FEZF1: variants seen among roughly 807,000 people sequenced by gnomAD.
The protein encoded by FEZF1 is fez family zinc finger protein 1.
FEZF1 carries 8 observed loss-of-function variants against 32.4 expected under a neutral mutation model. That is an observed-to-expected ratio of 0.25 (90% CI 0.15 to 0.45). The LOEUF (loss-of-function observed/expected upper bound fraction) is 0.45, where lower values mean the gene tolerates loss of function less well. Among genes scored for constraint, FEZF1 ranks in the 20% least tolerant of loss-of-function variants. The pLI, the probability that FEZF1 is intolerant of heterozygous loss-of-function variation, is 1.00. For synonymous variants in FEZF1, 259 were observed against 265.2 expected (o/e 0.98, Z 0.23); for missense variants, 546 against 622.3 (o/e 0.88, Z 1.31).
At position 122,302,002 on chromosome 7, in the gene FEZF1, G is replaced by T; in HGVS notation, c.1423C>A (p.Gln475Lys). The change falls in exon 4 of 4, where the codon CAG becomes AAG. Residue 475 changes from glutamine to lysine, a missense_variant. This residue lies in a region of FEZF1 where 83 missense variants were observed against 73.0 expected (regional missense o/e 1.14). Transcript: ENST00000442488. The surrounding 1 kb of genome is among the most constrained non-coding windows in gnomAD (Gnocchi z 4.4). Reference sequence around the variant, plus strand: ...GGGAGGACCCTTAGCCTCGATCACTGGTGGCCCTGGTGGAGCCCGGGCTGC... The same window carrying T: ...GGGAGGACCCTTAGCCTCGATCACTTGTGGCCCTGGTGGAGCCCGGGCTGC... ...PLQPGLHQGH[Q>K] 6.3e-7 allele frequency: 1 copy of T among 1,589,494 alleles called. No individual in the cohort carries two copies.
upstream of FEZF1, chr7:122,307,386 C>G (rs772175732): frequency 6.6e-6 from 1 of 152,362 alleles, no homozygotes; most frequent in Non-Finnish European, 1.5e-5. Context: ...CAGCCCGGCT[C>G]TGGAAGGCTT....
intron 1 of FEZF1, 138 bp downstream of exon 1, chr7:122,303,498 GA>G (rs2031122014): frequency 2.4e-5 from 12 of 508,222 alleles, no homozygotes; most frequent in Non-Finnish European, 3.4e-5. Context: ...AGGAAGGAAG[GA>G]AGGAAGGAAG....
chr7:122,303,368 C>T, intron 1 of FEZF1, 57 bp from the exon 2 acceptor site: 3 of 1,601,740 alleles, frequency 1.9e-6, no homozygotes, highest in South Asian at 1.1e-5. Context: ...TGAAATCAAA[C>T]CGGGCAGAGA....
Position 122,301,312 on chromosome 7 carries a change from T to C in FEZF1, c.*685A>G, listed in dbSNP as rs1238246501. ...GAACAGAGCCCTAAAGTTTGTTGAT[T>C]AAATAAGCATGTTCCAAGTATTTAT... is the stretch of plus-strand genomic sequence containing the variant. On this transcript the variant is annotated 3_prime_UTR_variant, in exon 4 of 4. Transcript: ENST00000442488. The C allele has an allele frequency of 6.6e-6, 1 of 152,214 alleles. No individual in the cohort carries two copies. 9.4% of individuals were successfully genotyped at this position (152,214 alleles called of 1,614,324 possible). A position where few individuals can be genotyped will look rare whatever the true frequency, so the allele number is the denominator to read the frequency against.
chr7:122,304,710 G>A lies in FEZF1; in HGVS notation c.-273C>T. ...AGTGTTGTGTCAATAACGCAGCCAA[G>A]ATCTCGCCAATCGTTAACTTCCAAG... On this transcript the variant is annotated 5_prime_UTR_variant, in exon 1 of 4. Coordinates refer to ENST00000442488, the MANE Select transcript of FEZF1 (RefSeq NM_001024613.4). 2.5e-6 allele frequency: 1 copy of A among 399,482 alleles called. No homozygotes were observed. Among genetic ancestry groups the A allele is most frequent in the Non-Finnish European group, 4.6e-6 (1 of 217,322 alleles). 24.7% of individuals were successfully genotyped at this position (399,482 alleles called of 1,614,324 possible).
rs751696310 is a variant in FEZF1 at position 122,304,252 on chromosome 7, C to T, written c.186G>A (p.Lys62=). 7 of 1,604,574 alleles carry T rather than the reference C, an allele frequency of 4.4e-6. No individual in the cohort carries two copies. The African/African-American group carries it at 6.7e-5, about 15-fold the overall frequency. The part of the protein sequence containing the change: ...LQGALPKGEP[K]HSLHLNSSIP... ...TCGACGAGTTGAGATGCAGAGAGTG[C>T]TTGGGTTCCCCCTTGGGTAAGGCTC... Residue 62 remains lysine (K), a synonymous_variant, in exon 1 of 4, where the codon AAG becomes AAA. Transcript: ENST00000442488.
At chr7:122,309,274 T>G (rs908905077), upstream of FEZF1, among the ~76,000 whole-genome samples, 1 of 152,206 alleles carries the variant, frequency 6.6e-6, no homozygotes, top group African/African-American at 2.4e-5. Context: ...TATCACAGGT[T>G]ATAAATGTGG....
upstream of FEZF1, chr7:122,304,764 A>C: frequency 6.6e-6 from 2 of 302,888 alleles, no homozygotes; most frequent in Non-Finnish European, 1.3e-5. Context: ...TAATTGCTCA[A>C]TTCGCTTCCA....
At chr7:122,310,465 C>G (rs2031392137) in exon 1 of FEZF1, 1 of 152,378 alleles carries the variant, frequency 6.6e-6, no homozygotes, top group Admixed American at 6.5e-5. Context: ...TTCTTGCTCA[C>G]GAGTTCCAAA....
rs1345808696 is a variant in FEZF1 at position 122,303,325 on chromosome 7, A to G, written c.802-14T>C. 1 of 1,613,458 alleles carries G rather than the reference A, an allele frequency of 6.2e-7. No homozygotes were observed. On this transcript the variant is annotated splice_polypyrimidine_tract_variant and intron_variant, in intron 1 of 3. Coordinates refer to ENST00000442488, the MANE Select transcript of FEZF1 (RefSeq NM_001024613.4). The stretch of plus-strand genomic sequence containing the variant: ...CGCATTAAAGACCTTAAAATTAAAC[A>G]CACGTAGAACAGGTTAGCCGCACAA...
At position 122,304,371 on chromosome 7, in the gene FEZF1, T is replaced by A. The variant is rs1474989658; in HGVS notation, c.67A>T (p.Met23Leu). The A allele has an allele frequency of 3.7e-6, 6 of 1,603,616 alleles. No homozygotes were observed. The highest frequency in any genetic ancestry group is 5.1e-6 in the Non-Finnish European group (6 of 1,172,802). The stretch of plus-strand genomic sequence containing the variant: ...AAAGCCAAGGGTTTGGACGTGCTCA[T>A]CATGTTGCCCCGAGCTGGAGCAGTC... Reference protein sequence around the residue: ...LATAPARGNMMSTSKPLAFSI... With the variant: ...LATAPARGNMLSTSKPLAFSI... Residue 23 changes from methionine to leucine, a missense_variant, in exon 1 of 4, where the codon ATG becomes TTG. Transcript: ENST00000442488.
upstream of FEZF1, chr7:122,307,265 G>T (rs1416767866): frequency 2.6e-5 from 4 of 152,276 alleles, no homozygotes; most frequent in Admixed American, 6.5e-5. Flanking sequence ...CTTTTGGGCC[G>T]GATCAGATTC....
upstream of FEZF1, chr7:122,306,087 A>G (rs2031271913): frequency 6.6e-6 from 1 of 152,288 alleles, no homozygotes; most frequent in Admixed American, 6.5e-5. Flanking sequence ...GCGATCACGC[A>G]GAGCTGAACC....
At chr7:122,306,001 C>A (rs1363463685), upstream of FEZF1, 1 of 152,284 alleles carries the variant, frequency 6.6e-6, no homozygotes, top group Admixed American at 6.5e-5. Context: ...GGGCTCCCGC[C>A]GCCCAGGCAA....
At chr7:122,307,200 T>TG (rs1413804648), upstream of FEZF1, 2 of 151,436 alleles carry the variant, frequency 1.3e-5, no homozygotes, top group African/African-American at 2.4e-5. Flanking sequence ...CAAAGGGGGG[T>TG]GGGGGGTTCT....
chr7:122,302,134 G>A lies in FEZF1; in HGVS notation c.1291C>T (p.Arg431Cys), dbSNP rs949550776. 9.9e-6 allele frequency: 16 copies of A among 1,613,956 alleles called. No individual in the cohort carries two copies. In the African/African-American group the frequency reaches 2.1e-4, roughly 22 times the overall value. Residue 431 changes from arginine (R) to cysteine (C), a missense_variant, in exon 4 of 4, where the codon CGC (arginine) becomes TGC (cysteine). Arg to Cys is a radical substitution (Grantham distance 180, BLOSUM62 -3). Coordinates refer to ENST00000442488, the MANE Select transcript of FEZF1 (RefSeq NM_001024613.4). The surrounding 1 kb of genome is among the most constrained non-coding windows in gnomAD (Gnocchi z 4.4). ...KLHDSSLGLA[R>C]TPAGEPGTEP... ...GTGCCTGGTTCGCCAGCTGGCGTGCGGGCCAGCCCCAGGCTGCTGTCGTGC... is the reference window on the plus strand; with the variant it reads ...GTGCCTGGTTCGCCAGCTGGCGTGCAGGCCAGCCCCAGGCTGCTGTCGTGC...
Position 122,304,172 on chromosome 7 carries a change from C to A in FEZF1, c.266G>T (p.Gly89Val). ...CTTCCGCGGCTCGGAGCCCGTCACT[C>A]CTGCCTTGGGGCTCGTGTCGTAGGC... ...PVAYDTSPKA[G>V]VTGSEPRKAS... The change falls in exon 1 of 4, where the codon GGA becomes GTA. Residue 89 changes from glycine to valine, a missense_variant. Coordinates refer to ENST00000442488, the MANE Select transcript of FEZF1 (RefSeq NM_001024613.4). The A allele has an allele frequency of 6.2e-7, 1 of 1,601,646 alleles. No homozygotes were observed. Among genetic ancestry groups the A allele is most frequent in the East Asian group, 2.2e-5 (1 of 44,570 alleles).
At position 122,304,211 on chromosome 7, in the gene FEZF1, G is replaced by A; in HGVS notation, c.227C>T (p.Pro76Leu). Residue 76 changes from proline to leucine, a missense_variant, in exon 1 of 4, where the codon CCC becomes CTC. Coordinates refer to ENST00000442488, the MANE Select transcript of FEZF1 (RefSeq NM_001024613.4). ...CGTGTCGTAGGCCACAGGCACGAAGGGGATCATGCAGGGGATCGACGAGTT... is the reference window on the plus strand; with the variant it reads ...CGTGTCGTAGGCCACAGGCACGAAGAGGATCATGCAGGGGATCGACGAGTT... ...HLNSSIPCMI[P>L]FVPVAYDTSP... 2 of 1,595,806 alleles carry A rather than the reference G, an allele frequency of 1.3e-6. No homozygotes were observed. The highest frequency in any genetic ancestry group is 1.7e-6 in the Non-Finnish European group (2 of 1,168,556).
Position 122,304,296 on chromosome 7 carries a change from C to G in FEZF1, c.142G>C (p.Val48Leu). 1 of 1,612,748 alleles carries G rather than the reference C, an allele frequency of 6.2e-7. No individual in the cohort carries two copies. Among genetic ancestry groups the G allele is most frequent in the African/African-American group, 1.3e-5 (1 of 75,022 alleles). The change falls in exon 1 of 4, where the codon GTC (valine) becomes CTC (leucine). Residue 48 changes from valine (V) to leucine (L), a missense_variant. Val to Leu is a conservative substitution (Grantham distance 32, BLOSUM62 1). Around this residue, in one of 3 missense-constraint regions of FEZF1, gnomAD observed 345 missense variants for 360.6 expected, o/e 0.96. Coordinates refer to ENST00000442488, the MANE Select transcript of FEZF1 (RefSeq NM_001024613.4). Reference sequence around the variant, plus strand: ...AAGGCTCCCTGCAGGAAGTGGGGGACTGGCAGGGCCTTGGGCTCTGGGGTG... The same window carrying G: ...AAGGCTCCCTGCAGGAAGTGGGGGAGTGGCAGGGCCTTGGGCTCTGGGGTG... ...ARTPEPKALP[V>L]PHFLQGALPK...
Sources: allele counts gnomAD v4.1 joint callset (sites outside exome capture counted in the v4.1 genomes callset), GRCh38; gene constraint gnomAD v4.1.1; regional missense constraint gnomAD v4.1.1; non-coding constraint Gnocchi (gnomAD v3.1); transcripts MANE v1.5; gene names NCBI Gene and HGNC (gene_info 2026-07-23, HGNC 2026-07-21).